The following CPNE8 variants were observed in gnomAD, a reference collection of about 807,000 sequenced individuals.
CPNE8 encodes copine 8, also known as copine-8.
Under a neutral mutation model 81.5 loss-of-function variants are expected in CPNE8, and 45 were observed. That is an observed-to-expected ratio of 0.55 (90% CI 0.44 to 0.71). CPNE8 has a LOEUF of 0.71. CPNE8 is among the 30% of genes least tolerant of loss of function. The probability of loss-of-function intolerance (pLI) is 0.00; values close to 1 mark genes in which losing one functional copy is unlikely to be tolerated. For missense variants in CPNE8, 594 were observed against 672.1 expected (o/e 0.88, Z 1.28); for synonymous variants, 252 against 226.3 (o/e 1.11, Z -1.02).
intron 10 of CPNE8, among the ~76,000 whole-genome samples, chr12:38,743,791 C>T (rs1486351): frequency 1.3e-5 from 2 of 151,888 alleles, no homozygotes; most frequent in Admixed American, 1.3e-4. Flanking sequence ...AGATACATAA[C>T]GTATCTCCAG....
intron 3 of CPNE8, among the ~76,000 whole-genome samples, chr12:38,872,435 G>A (rs1187527587): frequency 6.6e-6 from 1 of 152,132 alleles, no homozygotes; most frequent in Non-Finnish European, 1.5e-5. Flanking sequence ...TAGGCAGATG[G>A]AAATGCCTTT....
intron 6 of CPNE8, among the ~76,000 whole-genome samples, chr12:38,822,070 T>C (rs1267445964): frequency 6.6e-6 from 1 of 152,230 alleles, no homozygotes. Context: ...TCAGTGGTTT[T>C]ATTTTTAATG....
At chr12:38,666,940 G>A (rs1939069129) in intron 19 of CPNE8, among the ~76,000 whole-genome samples, 1 of 152,136 alleles carries the variant, frequency 6.6e-6, no homozygotes, top group Non-Finnish European at 1.5e-5. Context: ...TAAGGACTGA[G>A]TGATTTAATT....
intron 18 of CPNE8, among the ~76,000 whole-genome samples, chr12:38,674,083 A>G (rs1939236814): frequency 6.6e-6 from 1 of 152,132 alleles, no homozygotes; most frequent in Admixed American, 6.6e-5. Flanking sequence ...CAGAGAGAAA[A>G]TGATGAATTA....
chr12:38,846,012 TA>T (rs1240881508), intron 4 of CPNE8, among the ~76,000 whole-genome samples: 1 of 152,214 alleles, frequency 6.6e-6, no homozygotes, highest in Non-Finnish European at 1.5e-5. Flanking sequence ...ACTGTTTCTG[TA>T]AAAATTGCTT....
chr12:38,692,604 T>G (rs966390518), intron 15 of CPNE8, among the ~76,000 whole-genome samples: 4 of 151,796 alleles, frequency 2.6e-5, no homozygotes, highest in Non-Finnish European at 5.9e-5. Flanking sequence ...TTACAAGGAA[T>G]GAACACAGAG....
intron 6 of CPNE8, among the ~76,000 whole-genome samples, chr12:38,785,091 A>T (rs1340493205): frequency 6.6e-6 from 1 of 151,834 alleles, no homozygotes; most frequent in East Asian, 1.9e-4. Flanking sequence ...GCTATTCAGA[A>T]GGCTGAGGCA....
chr12:38,673,518 A>C (rs1447181146), intron 18 of CPNE8, among the ~76,000 whole-genome samples: 3 of 152,078 alleles, frequency 2.0e-5, no homozygotes, highest in Non-Finnish European at 2.9e-5. Flanking sequence ...ATGTGTTTTG[A>C]AAGGAAAAAA....
intron 3 of CPNE8, among the ~76,000 whole-genome samples, chr12:38,851,820 A>G (rs1441833060): frequency 6.6e-6 from 1 of 151,872 alleles, no homozygotes; most frequent in Non-Finnish European, 1.5e-5. Context: ...CCTGGCTCCT[A>G]TTTTCCTCTC....
At chr12:38,757,019 A>C (rs1941476471) in intron 10 of CPNE8, among the ~76,000 whole-genome samples, 1 of 152,214 alleles carries the variant, frequency 6.6e-6, no homozygotes, top group Non-Finnish European at 1.5e-5. Flanking sequence ...CATTAATCTC[A>C]CTGGTTTATT....
chr12:38,852,518 C>A (rs1166414917), intron 3 of CPNE8, among the ~76,000 whole-genome samples: 1 of 151,616 alleles, frequency 6.6e-6, no homozygotes, highest in Non-Finnish European at 1.5e-5. Context: ...AGGAGAATCA[C>A]TTGAACCTAG....
chr12:38,892,547 C>T (rs1247420610), intron 1 of CPNE8, among the ~76,000 whole-genome samples: 2 of 151,986 alleles, frequency 1.3e-5, no homozygotes, highest in African/African-American at 2.4e-5. Flanking sequence ...TTAAAAGTAC[C>T]GAAACCATTC....
At chr12:38,795,523 G>A (rs548548460) in intron 6 of CPNE8, among the ~76,000 whole-genome samples, 16 of 152,230 alleles carry the variant, frequency 1.1e-4, no homozygotes, top group Non-Finnish European at 1.9e-4. Context: ...TATATACATA[G>A]GATGGAATGT....
intron 1 of CPNE8, among the ~76,000 whole-genome samples, chr12:38,903,216 CTCAAACTTA>C (rs376453884): frequency 7.9e-5 from 12 of 152,082 alleles, no homozygotes; most frequent in African/African-American, 2.7e-4. Context: ...TGCTTTTTAC[CTCAAACTTA>C]TCGTAAATAG....
rs200831892 is a variant in CPNE8 at position 38,766,183 on chromosome 12, T to TA, written c.575+1451dup. On this transcript the variant is annotated intron_variant, in intron 8 of 19. Transcript: ENST00000331366. ...GTGAACATCATTTTTACAAGCATAA[T>TA]ACATTTTTTAATAAAAGTATCACCA... 2.0e-3 allele frequency among the ~76,000 whole-genome samples: 304 copies of TA among 152,248 alleles called. 2 individuals are homozygous for TA. Among genetic ancestry groups the TA allele is most frequent in the African/African-American group, 7.2e-3 (298 of 41,554 alleles).
At chr12:38,796,963 T>C (rs1435099964) in intron 6 of CPNE8, among the ~76,000 whole-genome samples, 1 of 151,928 alleles carries the variant, frequency 6.6e-6, no homozygotes, top group African/African-American at 2.4e-5. Flanking sequence ...CAGTATGAGA[T>C]CAAACTGCAA....
chr12:38,798,973 G>C (rs1026630179), intron 6 of CPNE8, among the ~76,000 whole-genome samples: 1 of 152,146 alleles, frequency 6.6e-6, no homozygotes, highest in African/African-American at 2.4e-5. Flanking sequence ...TAATGGTAAA[G>C]GGATCAATTC....
chr12:38,799,856 G>C (rs1413302504), intron 6 of CPNE8, among the ~76,000 whole-genome samples: 2 of 151,086 alleles, frequency 1.3e-5, no homozygotes, highest in Non-Finnish European at 3.0e-5. Context: ...AAGCGCAAGG[G>C]GTCAGGGAGT....
At chr12:38,704,826 G>GTATATATATGTGTATATATGTATATATA (rs58878926) in intron 13 of CPNE8, among the ~76,000 whole-genome samples, 1 of 50,200 alleles carries the variant, frequency 2.0e-5, no homozygotes, top group Non-Finnish European at 5.5e-5. Context: ...GTATGTATGT[G>GTATATATATGTGTATATATGTATATATA]TATATATATA....
Sources: allele counts gnomAD v4.1 joint callset (sites outside exome capture counted in the v4.1 genomes callset), GRCh38; gene constraint gnomAD v4.1.1; transcripts MANE v1.5; gene names NCBI Gene and HGNC (gene_info 2026-07-23, HGNC 2026-07-21).